The following AOPEP variants were observed in gnomAD, a reference collection of about 807,000 sequenced individuals.
AOPEP encodes the protein aminopeptidase O (putative).
Under a neutral mutation model 98.1 loss-of-function variants are expected in AOPEP, and 77 were observed. The ratio of observed to expected loss-of-function variants is 0.78; its 90% CI spans 0.65 to 0.95. The LOEUF (loss-of-function observed/expected upper bound fraction) is 0.95, where lower values mean the gene tolerates loss of function less well. AOPEP is among the 40% of genes least tolerant of loss of function. The pLI is 0.00. For missense variants in AOPEP, 1,024 were observed against 1,024.7 expected (o/e 1.00, Z 0.01); for synonymous variants, 346 against 365.3 (o/e 0.95, Z 0.60).
intron 5 of AOPEP, among the ~76,000 whole-genome samples, chr9:94,860,425 C>G (rs1288257972): frequency 6.6e-6 from 1 of 152,104 alleles, no homozygotes; most frequent in Non-Finnish European, 1.5e-5. Flanking sequence ...CAGGTCGTGA[C>G]CTGGCTTATG....
At chr9:94,761,808 A>G (rs919312632) in intron 2 of AOPEP, among the ~76,000 whole-genome samples, 1 of 152,196 alleles carries the variant, frequency 6.6e-6, no homozygotes, top group Non-Finnish European at 1.5e-5. Flanking sequence ...TATTTATAGA[A>G]TACCTTATTA....
intron 5 of AOPEP, among the ~76,000 whole-genome samples, chr9:94,840,014 T>C (rs1315793580): frequency 6.6e-6 from 1 of 152,120 alleles, no homozygotes; most frequent in Non-Finnish European, 1.5e-5. Flanking sequence ...GCAATCTTCC[T>C]GTGTTGGCCT....
At chr9:94,896,152 A>G (rs1049058794) in intron 5 of AOPEP, among the ~76,000 whole-genome samples, 10 of 152,240 alleles carry the variant, frequency 6.6e-5, no homozygotes, top group African/African-American at 2.4e-4. Flanking sequence ...TGGAAAATAG[A>G]AACAATACAA....
intron 5 of AOPEP, among the ~76,000 whole-genome samples, chr9:94,855,548 G>A (rs963388399): frequency 2.6e-5 from 4 of 152,106 alleles, no homozygotes; most frequent in East Asian, 1.9e-4. Context: ...TTAGCCAGAC[G>A]TGATGGCGCA....
chr9:95,106,982 A>G, the AOPEP span: 1 of 1,337,128 alleles, frequency 7.5e-7, no homozygotes, highest in Non-Finnish European at 1.1e-6. Flanking sequence ...CACACTGTGC[A>G]GAGGCCAGAC....
intron 6 of AOPEP, among the ~76,000 whole-genome samples, chr9:94,925,291 A>G (rs778374850): frequency 2.6e-5 from 4 of 152,178 alleles, no homozygotes; most frequent in African/African-American, 4.8e-5. Context: ...GCCCAGCCTC[A>G]AGTTCCTAAT....
intron 2 of AOPEP, among the ~76,000 whole-genome samples, chr9:94,761,360 T>G (rs538806344): frequency 2.6e-5 from 4 of 152,354 alleles, no homozygotes; most frequent in Admixed American, 2.6e-4. Context: ...TTGTTCAGAT[T>G]TTTTTAAATT....
chr9:94,829,686 A>G (rs530052138), intron 5 of AOPEP, among the ~76,000 whole-genome samples: 108 of 150,004 alleles, frequency 7.2e-4, no homozygotes, highest in Admixed American at 6.0e-3. Context: ...GCCACATGTC[A>G]GATATGTTCA....
At chr9:94,937,783 C>T (rs945263355) in intron 7 of AOPEP, among the ~76,000 whole-genome samples, 1 of 152,212 alleles carries the variant, frequency 6.6e-6, no homozygotes, top group Non-Finnish European at 1.5e-5. Flanking sequence ...TTCTCTGTCT[C>T]TCTCTGATCT....
intron 5 of AOPEP, among the ~76,000 whole-genome samples, chr9:94,862,229 A>G (rs1373753777): frequency 6.6e-6 from 1 of 152,150 alleles, no homozygotes; most frequent in African/African-American, 2.4e-5. Flanking sequence ...TTTCAAAGTC[A>G]CTGGGCTGGC....
downstream of AOPEP, among the ~76,000 whole-genome samples, chr9:95,088,598 G>T (rs966125773): frequency 2.6e-5 from 4 of 152,178 alleles, no homozygotes; most frequent in Non-Finnish European, 5.9e-5. Context: ...CGGCCGCACT[G>T]CCCTGCGAGG....
At chr9:94,807,043 C>T (rs1216750358) in intron 5 of AOPEP, among the ~76,000 whole-genome samples, 8 of 152,148 alleles carry the variant, frequency 5.3e-5, no homozygotes, top group Non-Finnish European at 1.0e-4. Context: ...ACACAGAAAC[C>T]ATACTGACCC....
At chr9:95,095,944 T>C in the AOPEP span, among the ~76,000 whole-genome samples, 1 of 152,172 alleles carries the variant, frequency 6.6e-6, no homozygotes, top group African/African-American at 2.4e-5. Context: ...CAGAAAATGC[T>C]TTCTGCATTT....
chr9:95,062,570 T>C (rs781656705), intron 14 of AOPEP, among the ~76,000 whole-genome samples: 4 of 152,192 alleles, frequency 2.6e-5, no homozygotes, highest in Non-Finnish European at 5.9e-5. Flanking sequence ...TCTTTTCATG[T>C]GGATGGGCCG....
chr9:94,763,094 T>C (rs1445804666), intron 2 of AOPEP: 1 of 456,778 alleles, frequency 2.2e-6, no homozygotes, highest in Admixed American at 2.5e-5. Flanking sequence ...GTTCTCAGGC[T>C]GGGATGAGAA....
At chr9:94,942,015 A>T (rs2057062940) in intron 7 of AOPEP, among the ~76,000 whole-genome samples, 1 of 152,222 alleles carries the variant, frequency 6.6e-6, no homozygotes, top group Non-Finnish European at 1.5e-5. Context: ...GAATCTTGGG[A>T]AAGTAAATTT....
At chr9:94,999,290 G>GA (rs2061420101) in intron 11 of AOPEP, among the ~76,000 whole-genome samples, 2 of 151,824 alleles carry the variant, frequency 1.3e-5, no homozygotes, top group Admixed American at 6.6e-5. Context: ...AATAATGGTA[G>GA]AAAAAAAAGG....
At chr9:95,056,607 A>G (rs976654329) in intron 13 of AOPEP, 2 of 152,052 alleles carry the variant, frequency 1.3e-5, no homozygotes, top group Non-Finnish European at 2.9e-5. Flanking sequence ...AGCTGCCTCT[A>G]GTTTAGGAGG....
At chr9:94,924,234 T>G in intron 6 of AOPEP, 59 bp downstream of exon 6, 1 of 1,289,044 alleles carries the variant, frequency 7.8e-7, no homozygotes, top group Non-Finnish European at 1.0e-6. Flanking sequence ...TTTCTGGTCA[T>G]TTGCTCACCC....
Sources: gnomAD v4.1 joint callset for allele counts (sites outside exome capture counted in the v4.1 genomes callset) on GRCh38, gnomAD v4.1.1 for gene constraint, MANE v1.5 for transcripts, NCBI Gene and HGNC (gene_info 2026-07-23, HGNC 2026-07-21) for gene names.